The following SPMIP2 variants were observed in gnomAD, a reference collection of about 807,000 sequenced individuals.
The protein encoded by SPMIP2 is protein SPMIP2.
the SPMIP2 span, chr4:158,904,778 T>C: frequency 2.0e-6 from 1 of 491,484 alleles, no homozygotes; most frequent in Middle Eastern, 5.6e-4. Flanking sequence ...TTGTTACCCA[T>C]GAATCAACAA....
At chr4:158,897,563 G>A in the SPMIP2 span, among the ~76,000 whole-genome samples, 1 of 152,196 alleles carries the variant, frequency 6.6e-6, no homozygotes, top group South Asian at 2.1e-4. Flanking sequence ...ATCTCATTGT[G>A]GTTTTGATTT....
chr4:158,901,664 T>C, the SPMIP2 span, among the ~76,000 whole-genome samples: 1 of 152,076 alleles, frequency 6.6e-6, no homozygotes. Context: ...TAGTCTCATA[T>C]TTCTTGGAGG....
chr4:158,910,367 G>A, the SPMIP2 span, among the ~76,000 whole-genome samples: 2 of 151,738 alleles, frequency 1.3e-5, no homozygotes, highest in Non-Finnish European at 2.9e-5. Context: ...TCTGCCTCCC[G>A]GGTTCAGGCG....
chr4:159,037,791 C>T, the SPMIP2 span, among the ~76,000 whole-genome samples: 59 of 105,724 alleles, frequency 5.6e-4, no homozygotes, highest in East Asian at 2.7e-3. Context: ...TATATACACA[C>T]ACACACACAC....
At chr4:158,936,449 G>A in the SPMIP2 span, among the ~76,000 whole-genome samples, 3 of 152,196 alleles carry the variant, frequency 2.0e-5, no homozygotes, top group Non-Finnish European at 2.9e-5. Flanking sequence ...TATCTGTGCC[G>A]TGACTTAAAA....
chr4:159,056,485 A>G, the SPMIP2 span, among the ~76,000 whole-genome samples: 1 of 152,194 alleles, frequency 6.6e-6, no homozygotes, highest in South Asian at 2.1e-4. Flanking sequence ...AATTAAATAA[A>G]ACCAACAATA....
chr4:158,982,503 A>T, the SPMIP2 span, among the ~76,000 whole-genome samples: 35 of 152,022 alleles, frequency 2.3e-4, no homozygotes, highest in African/African-American at 6.3e-4. Context: ...ATGCAAAAGA[A>T]CAGAAACATA....
At chr4:158,928,070 A>C in the SPMIP2 span, among the ~76,000 whole-genome samples, 1 of 152,160 alleles carries the variant, frequency 6.6e-6, no homozygotes, top group African/African-American at 2.4e-5. Context: ...TCGACCACCC[A>C]AGGGCTGAGG....
At chr4:158,917,755 T>C in the SPMIP2 span, among the ~76,000 whole-genome samples, 14 of 143,294 alleles carry the variant, frequency 9.8e-5, no homozygotes, top group African/African-American at 3.4e-4. Context: ...AGACAGATTC[T>C]CTGTCTCCTA....
chr4:159,011,177 G>A, the SPMIP2 span, among the ~76,000 whole-genome samples: 2 of 152,116 alleles, frequency 1.3e-5, no homozygotes, highest in African/African-American at 4.8e-5. Flanking sequence ...ACTTCAATCT[G>A]TCTTTCAACT....
the SPMIP2 span, chr4:158,907,268 T>TATCA: frequency 6.6e-5 from 10 of 152,272 alleles, no homozygotes; most frequent in Admixed American, 1.3e-4. Context: ...TTTTATTTTT[T>TATCA]ATCAATCAGT....
chr4:158,979,225 G>A, the SPMIP2 span, among the ~76,000 whole-genome samples: 1 of 152,124 alleles, frequency 6.6e-6, no homozygotes, highest in Non-Finnish European at 1.5e-5. Flanking sequence ...GAGCCTCCCA[G>A]GTCGGTTTCA....
At chr4:159,043,432 T>A in the SPMIP2 span, among the ~76,000 whole-genome samples, 4 of 152,260 alleles carry the variant, frequency 2.6e-5, no homozygotes, top group Non-Finnish European at 5.9e-5. Context: ...CTGCAAACTC[T>A]GCCTCCCAGG....
chr4:159,005,764 C>T, the SPMIP2 span, among the ~76,000 whole-genome samples: 498 of 152,036 alleles, frequency 3.3e-3, 3 homozygotes, highest in African/African-American at 0.012. Flanking sequence ...GTTATTTGTA[C>T]CTGTTTTAAT....
the SPMIP2 span, among the ~76,000 whole-genome samples, chr4:159,059,658 CCA>C: frequency 6.6e-6 from 1 of 152,172 alleles, no homozygotes; most frequent in Admixed American, 6.5e-5. Flanking sequence ...CAGGTGTGAG[CCA>C]CCACACTCAG....
At chr4:159,077,928 T>G in the SPMIP2 span, among the ~76,000 whole-genome samples, 4 of 152,212 alleles carry the variant, frequency 2.6e-5, no homozygotes, top group African/African-American at 9.6e-5. Context: ...GGTGGCACTT[T>G]CATTTTCTTT....
At chr4:158,909,042 T>G in the SPMIP2 span, among the ~76,000 whole-genome samples, 13 of 152,238 alleles carry the variant, frequency 8.5e-5, no homozygotes, top group African/African-American at 2.2e-4. Context: ...TAAAGTAGTA[T>G]TATAAATTAC....
the SPMIP2 span, among the ~76,000 whole-genome samples, chr4:158,956,027 T>C: frequency 6.6e-6 from 1 of 152,170 alleles, no homozygotes; most frequent in South Asian, 2.1e-4. Context: ...AACATTTGTC[T>C]GCTGTGTTTT....
the SPMIP2 span, among the ~76,000 whole-genome samples, chr4:158,987,749 T>C: frequency 6.6e-6 from 1 of 152,008 alleles, no homozygotes; most frequent in South Asian, 2.1e-4. Flanking sequence ...CTGCACATTG[T>C]GCACATGTAC....
Sources: allele counts gnomAD v4.1 joint callset (sites outside exome capture counted in the v4.1 genomes callset), GRCh38; gene constraint gnomAD v4.1.1; transcripts MANE v1.5; gene names NCBI Gene and HGNC (gene_info 2026-07-23, HGNC 2026-07-21).